The following PCDHGB7 variants were observed in gnomAD, a reference collection of about 807,000 sequenced individuals.
PCDHGB7 encodes protocadherin gamma-B7.
In PCDHGB7, 37 loss-of-function variants were observed where a neutral mutation model predicts 61.4. That is an observed-to-expected ratio of 0.60 (90% CI 0.46 to 0.79). The LOEUF (loss-of-function observed/expected upper bound fraction) is 0.79, where lower values mean the gene tolerates loss of function less well. Ranked by LOEUF, PCDHGB7 falls within the 30% of genes least tolerant of loss-of-function variation. The probability of loss-of-function intolerance (pLI) is 0.00; values close to 1 mark genes in which losing one functional copy is unlikely to be tolerated. For synonymous variants in PCDHGB7, 464 were observed against 503.5 expected, an observed-to-expected ratio of 0.92 and a Z score of 1.05; for missense variants, 1,166 against 1,202.5, an observed-to-expected ratio of 0.97 and a Z score of 0.45.
intron 1 of PCDHGB7, chr5:141,478,684 T>C: frequency 6.4e-7 from 1 of 1,551,340 alleles, no homozygotes; most frequent in Non-Finnish European, 8.7e-7. Flanking sequence ...TGGCCCTTCC[T>C]AGATCAAAGT....
At chr5:141,421,531 T>G (rs1318944446) in intron 1 of PCDHGB7, 1 of 1,613,904 alleles carries the variant, frequency 6.2e-7, no homozygotes, top group Non-Finnish European at 8.5e-7. Flanking sequence ...GACGGTGTCC[T>G]CCTGTTTTTT....
intron 1 of PCDHGB7, chr5:141,478,576 G>T (rs543160289): frequency 5.0e-6 from 8 of 1,585,598 alleles, no homozygotes; most frequent in Non-Finnish European, 6.9e-6. Flanking sequence ...GCTTGACCCT[G>T]TTAGTGCTTT....
At chr5:141,504,203 A>G (rs2099836487) in intron 2 of PCDHGB7, among the ~76,000 whole-genome samples, 1 of 152,248 alleles carries the variant, frequency 6.6e-6, no homozygotes, top group Non-Finnish European at 1.5e-5. Context: ...TCACTGTGGG[A>G]AAATTCCAAG....
Position 141,419,763 on chromosome 5 carries a change from A to T in PCDHGB7, c.1904A>T (p.Lys635Met). ...EVRMVRALGD[K>M]DSVRQRLLVA... ...CGCATGGTGCGTGCTTTGGGTGACA[A>T]GGACTCGGTCCGCCAGCGCCTGCTA... The change falls in exon 1 of 4, where the codon AAG becomes ATG. Residue 635 changes from lysine (K) to methionine (M), a missense_variant. Coordinates refer to ENST00000398594, the MANE Select transcript of PCDHGB7 (RefSeq NM_018927.4). The T allele has an allele frequency of 6.2e-7, 1 of 1,614,014 alleles. No individual in the cohort carries two copies. The highest frequency in any genetic ancestry group is 1.1e-5 in the South Asian group (1 of 91,086).
Position 141,423,337 on chromosome 5 carries a change from A to G in PCDHGB7, c.2415+3063A>G, listed in dbSNP as rs769321122. The G allele has an allele frequency of 6.0e-5, 97 of 1,614,180 alleles. 1 individual carries two copies. The African/African-American group carries it at 8.9e-4, about 15-fold the overall frequency. ...GGTGGCGGTGGCCGCAGTCTCCTGC[A>G]TCTTCCTGGTCTTTGTCATCGTGCT... On this transcript the variant is annotated intron_variant, in intron 1 of 3. Coordinates refer to ENST00000398594, the MANE Select transcript of PCDHGB7 (RefSeq NM_018927.4).
At chr5:141,433,253 G>C (rs1288721469) in intron 1 of PCDHGB7, 1 of 1,416,466 alleles carries the variant, frequency 7.1e-7, no homozygotes, top group East Asian at 2.3e-5. Flanking sequence ...GAATGCAGCG[G>C]TACGATCATA....
intron 1 of PCDHGB7, among the ~76,000 whole-genome samples, chr5:141,472,542 GA>G (rs904556404): frequency 1.6e-4 from 23 of 147,144 alleles, no homozygotes; most frequent in African/African-American, 4.2e-4. Context: ...ACCATCTCAA[GA>G]AAAAAAAAAT....
At chr5:141,469,374 A>G (rs1270202528) in intron 1 of PCDHGB7, among the ~76,000 whole-genome samples, 1 of 152,076 alleles carries the variant, frequency 6.6e-6, no homozygotes, top group Non-Finnish European at 1.5e-5. Flanking sequence ...AAAGAGATCG[A>G]GACCATCCTG....
intron 1 of PCDHGB7, chr5:141,427,597 T>C: frequency 1.5e-6 from 1 of 682,152 alleles, no homozygotes; most frequent in Non-Finnish European, 2.7e-6. Context: ...AGCCTCACCC[T>C]ACGCATTGGT....
chr5:141,449,147 G>T (rs2098630156), intron 1 of PCDHGB7, among the ~76,000 whole-genome samples: 1 of 152,110 alleles, frequency 6.6e-6, no homozygotes, highest in African/African-American at 2.4e-5. Flanking sequence ...AAATTGCTGG[G>T]TCAAAGAGGA....
intron 1 of PCDHGB7, among the ~76,000 whole-genome samples, chr5:141,482,981 A>T (rs1377809325): frequency 6.7e-6 from 1 of 150,250 alleles, no homozygotes; most frequent in Admixed American, 6.6e-5. Flanking sequence ...GCTACTTGAG[A>T]GGTCGAGGCA....
chr5:141,438,754 T>C (rs1213047429), intron 1 of PCDHGB7, among the ~76,000 whole-genome samples: 3 of 148,368 alleles, frequency 2.0e-5, no homozygotes, highest in African/African-American at 5.0e-5. Context: ...CTCTGCCTCC[T>C]GGGTTCAAGC....
chr5:141,454,874 C>A (rs1002727777), intron 1 of PCDHGB7, among the ~76,000 whole-genome samples: 4 of 123,066 alleles, frequency 3.3e-5, no homozygotes, highest in African/African-American at 1.2e-4. Flanking sequence ...GTGGCACGAT[C>A]TTGGCTCACT....
intron 1 of PCDHGB7, among the ~76,000 whole-genome samples, chr5:141,434,571 T>C (rs2154556263): frequency 6.6e-6 from 1 of 152,374 alleles, no homozygotes; most frequent in South Asian, 2.1e-4. Flanking sequence ...GACATGCCCC[T>C]GCTGCAGATA....
rs756658304 is a variant in PCDHGB7, at chr5:141,485,531, G to C, written c.2416-9276G>C. 6.8e-6 allele frequency: 11 copies of C among 1,614,218 alleles called. No homozygotes were observed. In the Admixed American group the frequency reaches 1.5e-4, roughly 22 times the overall value. On this transcript the variant is annotated intron_variant, in intron 1 of 3. Transcript: ENST00000398594. This position sits in a 1 kb window ranked among gnomAD's most constrained non-coding sequence, Gnocchi z 5.7. ...AGGTCCTTTGGAAATGTACCGAGCA[G>C]AGGTAGAGATCGTAGATGTGAATGA... is the stretch of plus-strand genomic sequence containing the variant.
rs2097419057 is a variant in PCDHGB7 at position 141,431,807 on chromosome 5, A to G, written c.2415+11533A>G. 4 of 1,614,050 alleles carry G rather than the reference A, an allele frequency of 2.5e-6. No individual in the cohort carries two copies. Among genetic ancestry groups the G allele is most frequent in the Non-Finnish European group, 2.5e-6 (3 of 1,180,038 alleles). On this transcript the variant is annotated intron_variant, in intron 1 of 3. Coordinates refer to ENST00000398594, the MANE Select transcript of PCDHGB7 (RefSeq NM_018927.4). This position sits in a 1 kb window ranked among gnomAD's most constrained non-coding sequence, Gnocchi z 4.8. ...CGACAATGCCCCAGAAGTGGTCCTC[A>G]CCTCTCTCGCCAGCTCGGTTCCCGA... is the stretch of plus-strand genomic sequence containing the variant.
intron 1 of PCDHGB7, among the ~76,000 whole-genome samples, chr5:141,446,022 T>C (rs2098484874): frequency 1.3e-5 from 2 of 152,198 alleles, no homozygotes; most frequent in Admixed American, 1.3e-4. Flanking sequence ...TATGGCAATA[T>C]TCCTGGTAAG....
In PCDHGB7 at chr5:141,418,535, G is replaced by GC; in HGVS notation, c.677dup (p.Gln227SerfsTer11). 6.2e-7 allele frequency: 1 copy of GC among 1,614,002 alleles called. No individual in the cohort carries two copies. Among genetic ancestry groups the GC allele is most frequent in the Non-Finnish European group, 8.5e-7 (1 of 1,179,892 alleles). On this transcript the variant is annotated frameshift_variant, in exon 1 of 4. Transcript: ENST00000398594. LOFTEE classifies it high-confidence loss of function. ...TGGGGACCCTCCCCGAAGCGGTACTGCTCAGATAAGAATCCTGGTAATAGA... is the reference window on the plus strand; with the variant it reads ...TGGGGACCCTCCCCGAAGCGGTACTGCCTCAGATAAGAATCCTGGTAATAGA...
chr5:141,478,102 C>T, intron 1 of PCDHGB7: 1 of 1,614,126 alleles, frequency 6.2e-7, no homozygotes, highest in South Asian at 1.1e-5. Flanking sequence ...CTGCTACCCT[C>T]ACTGTGTCAG....
Sources: gnomAD v4.1 joint callset for allele counts (sites outside exome capture counted in the v4.1 genomes callset) on GRCh38, gnomAD v4.1.1 for gene constraint, Gnocchi (gnomAD v3.1) non-coding constraint, MANE v1.5 for transcripts, NCBI Gene and HGNC (gene_info 2026-07-23, HGNC 2026-07-21) for gene names.